TF: variants seen among roughly 807,000 people sequenced by gnomAD.
The protein encoded by TF is serotransferrin.
A neutral mutation model predicts 82.4 loss-of-function variants in TF; 55 were observed. The observed-to-expected ratio is 0.67, with a 90% CI of 0.54 to 0.84. The LOEUF (loss-of-function observed/expected upper bound fraction) is 0.84. Ranked by LOEUF, TF falls within the 40% of genes least tolerant of loss-of-function variation. The probability of loss-of-function intolerance (pLI) is 0.00; values close to 1 mark genes in which losing one functional copy is unlikely to be tolerated. For missense variants in TF, 737 were observed against 868.4 expected (o/e 0.85, Z 1.90); for synonymous variants, 332 against 332.6 (o/e 1.00, Z 0.02).
At chr3:133,662,580 C>T in the TF span, among the ~76,000 whole-genome samples, 2 of 152,192 alleles carry the variant, frequency 1.3e-5, no homozygotes, top group African/African-American at 4.8e-5. Context: ...CATCGCCGTT[C>T]TCTTTCTCTG....
chr3:133,693,686 T>A, the TF span, among the ~76,000 whole-genome samples: 2 of 152,076 alleles, frequency 1.3e-5, no homozygotes, highest in Non-Finnish European at 2.9e-5. Flanking sequence ...CGACAAGCTG[T>A]CCCAACTTTT....
the TF span, among the ~76,000 whole-genome samples, chr3:133,731,409 T>C: frequency 5.3e-5 from 8 of 152,358 alleles, no homozygotes; most frequent in Non-Finnish European, 1.2e-4. Context: ...TCCTAGATTC[T>C]AGCTTTCCAT....
chr3:133,768,846 G>A (rs2107927959), intron 13 of TF, among the ~76,000 whole-genome samples: 1 of 136,652 alleles, frequency 7.3e-6, no homozygotes, highest in East Asian at 2.2e-4. Flanking sequence ...AGGCTGGAGT[G>A]TAGTGGCACA....
Position 133,788,449 on chromosome 3 carries a change from A to ATGTTG in TF, c.*9830_*9831insGTTGT. The ATGTTG allele has an allele frequency of 6.6e-6, 1 of 152,196 alleles. No individual in the cohort carries two copies. The highest frequency in any genetic ancestry group is 1.9e-4 in the East Asian group (1 of 5,168). 9.4% of individuals were successfully genotyped at this position (152,196 alleles called of 1,614,324 possible). On this transcript the variant is annotated 3_prime_UTR_variant, in exon 17 of 17. Coordinates refer to ENST00000402696, the MANE Select transcript of TF (RefSeq NM_001063.4). ...CTCCCACCCTGTGGAGCGTACTTTCATTTCATAAATCTCTGCTTTTGTTGT... is the reference window on the plus strand; with the variant it reads ...CTCCCACCCTGTGGAGCGTACTTTCATGTTGTTTCATAAATCTCTGCTTTTGTTGT...
intron 2 of TF, among the ~76,000 whole-genome samples, chr3:133,749,240 G>C (rs529613165): frequency 6.6e-6 from 1 of 152,312 alleles, no homozygotes; most frequent in South Asian, 2.1e-4. Flanking sequence ...ACACAACTGG[G>C]AAGATGAGTG....
chr3:133,708,639 T>C, the TF span, among the ~76,000 whole-genome samples: 1 of 151,742 alleles, frequency 6.6e-6, no homozygotes, highest in Non-Finnish European at 1.5e-5. Context: ...TATATATATG[T>C]AAATATGTGT....
At position 133,775,536 on chromosome 3, in the gene TF, C is replaced by T. The variant is rs779810664; in HGVS notation, c.1791C>T (p.His597=). 71 of 1,614,074 alleles carry T rather than the reference C, an allele frequency of 4.4e-5. No individual in the cohort carries two copies. The highest frequency in any genetic ancestry group is 5.9e-5 in the Non-Finnish European group (70 of 1,180,030). The change falls in exon 15 of 17, where the codon CAC becomes CAT. Residue 597 remains histidine, a synonymous_variant. Transcript: ENST00000402696. ...CTGTGGAGGAGTATGCGAACTGCCA[C>T]CTGGCCAGAGCCCCGAATCACGCTG... ...RKPVEEYANC[H]LARAPNHAVV...
intron 9 of TF, 149 bp downstream of exon 9, chr3:133,759,478 G>A (rs1933929033): frequency 2.1e-6 from 2 of 965,520 alleles, no homozygotes; most frequent in Non-Finnish European, 1.6e-6. Context: ...CCCCACCGGA[G>A]GTTCAGAATC....
At chr3:133,713,368 G>C in the TF span, among the ~76,000 whole-genome samples, 1 of 152,160 alleles carries the variant, frequency 6.6e-6, no homozygotes, top group African/African-American at 2.4e-5. Flanking sequence ...CCCAGACAAG[G>C]CTTTGTTGGA....
the TF span, among the ~76,000 whole-genome samples, chr3:133,698,804 C>T: frequency 6.6e-6 from 1 of 152,214 alleles, no homozygotes; most frequent in African/African-American, 2.4e-5. Flanking sequence ...CAACACTTTT[C>T]AATACCTAGA....
At position 133,759,156 on chromosome 3, in the gene TF, T is replaced by C; in HGVS notation, c.1049-19T>C. Reference sequence around the variant, plus strand: ...CAGCTAGGGCCGCTTCTGATCTTTGTTCTTTTTTTATGCCATAGGCCCAGA... The same window carrying C: ...CAGCTAGGGCCGCTTCTGATCTTTGCTCTTTTTTTATGCCATAGGCCCAGA... On this transcript the variant is annotated intron_variant, in intron 8 of 16. Transcript: ENST00000402696. 6.2e-7 allele frequency: 1 copy of C among 1,614,064 alleles called. No individual in the cohort carries two copies. Among genetic ancestry groups the C allele is most frequent in the South Asian group, 1.1e-5 (1 of 91,052 alleles).
chr3:133,669,525 C>T, the TF span, among the ~76,000 whole-genome samples: 1 of 152,200 alleles, frequency 6.6e-6, no homozygotes, highest in Non-Finnish European at 1.5e-5. Flanking sequence ...TGAGTTATGG[C>T]CAATAGAATA....
chr3:133,730,130 C>A, the TF span, among the ~76,000 whole-genome samples: 1 of 152,138 alleles, frequency 6.6e-6, no homozygotes, highest in Non-Finnish European at 1.5e-5. Flanking sequence ...CAGATTGACT[C>A]TTCCAGCTCA....
At chr3:133,755,322 C>T (rs765212648) in intron 4 of TF, 41 bp from the exon 5 acceptor site, 1 of 1,613,954 alleles carries the variant, frequency 6.2e-7, no homozygotes. Flanking sequence ...CTGTGGCCAG[C>T]CTCACTCATG....
chr3:133,686,142 C>A, the TF span, among the ~76,000 whole-genome samples: 1 of 152,126 alleles, frequency 6.6e-6, no homozygotes, highest in Non-Finnish European at 1.5e-5. Context: ...ACTGGGTAGC[C>A]ATATGTAGAA....
At chr3:133,672,122 G>T in the TF span, among the ~76,000 whole-genome samples, 1 of 152,028 alleles carries the variant, frequency 6.6e-6, no homozygotes, top group Non-Finnish European at 1.5e-5. Context: ...TAGATAAAAT[G>T]GACAAATTTC....
At chr3:133,681,245 C>G in the TF span, among the ~76,000 whole-genome samples, 1 of 152,212 alleles carries the variant, frequency 6.6e-6, no homozygotes, top group Non-Finnish European at 1.5e-5. Flanking sequence ...CAAATAGGAA[C>G]AGCTCCAGTC....
At chr3:133,703,039 G>C in the TF span, among the ~76,000 whole-genome samples, 2 of 152,098 alleles carry the variant, frequency 1.3e-5, no homozygotes, top group Non-Finnish European at 2.9e-5. Context: ...TTAAATAATG[G>C]CTATGTAATA....
chr3:133,772,278 G>A (rs1025745629), intron 14 of TF, among the ~76,000 whole-genome samples: 8 of 152,152 alleles, frequency 5.3e-5, no homozygotes, highest in Admixed American at 2.6e-4. Context: ...TTAAGAGAGT[G>A]TTACCCTAAG....
Sources: allele counts gnomAD v4.1 joint callset (sites outside exome capture counted in the v4.1 genomes callset), GRCh38; gene constraint gnomAD v4.1.1; transcripts MANE v1.5; gene names NCBI Gene and HGNC (gene_info 2026-07-23, HGNC 2026-07-21).